The following LGALS14 variants were observed in gnomAD, a reference collection of about 807,000 sequenced individuals.
LGALS14 encodes galectin 14.
In LGALS14, 14 loss-of-function variants were observed where a neutral mutation model predicts 14.6. The observed-to-expected ratio is 0.96, with a 90% CI of 0.64 to 1.50. The LOEUF is 1.50. Ranked by LOEUF, LGALS14 falls within the 40% of genes most tolerant of loss-of-function variation. The pLI, the probability that LGALS14 is intolerant of heterozygous loss-of-function variation, is 0.00. For missense variants in LGALS14, 180 were observed against 172.0 expected, an observed-to-expected ratio of 1.05 and a Z score of -0.26; for synonymous variants, 57 against 63.9, an observed-to-expected ratio of 0.89 and a Z score of 0.51.
rs1280864982 is a variant in LGALS14, at chr19:39,708,272, C to A, written c.303+884C>A. ...TGAAGACATTATCAATCCACGGTGCCGCTTCAGTTTTTAAAGATTACATAA... is the reference window on the plus strand; with the variant it reads ...TGAAGACATTATCAATCCACGGTGCAGCTTCAGTTTTTAAAGATTACATAA... On this transcript the variant is annotated intron_variant, in intron 3 of 3. Transcript: ENST00000392052. 5.3e-5 allele frequency among the ~76,000 whole-genome samples: 8 copies of A among 152,168 alleles called. No homozygotes were observed. In the South Asian group the frequency reaches 1.7e-3, roughly 32 times the overall value.
In LGALS14 at chr19:39,709,442, A is replaced by C; in HGVS notation, c.*129A>C. The C allele has an allele frequency of 1.6e-6, 1 of 629,810 alleles. No homozygotes were observed. Among genetic ancestry groups the C allele is most frequent in the Non-Finnish European group, 2.8e-6 (1 of 352,448 alleles). The allele number at this position is 629,810 out of a possible 1,614,324, so 39.0% of individuals were successfully genotyped here. Reference sequence around the variant, plus strand: ...ACACTTGATCATTAAAACAGCACCAAACTTCACATGATTGGTTCTTGCTTT... The same window carrying C: ...ACACTTGATCATTAAAACAGCACCACACTTCACATGATTGGTTCTTGCTTT... On this transcript the variant is annotated 3_prime_UTR_variant, in exon 4 of 4. Transcript: ENST00000392052.
chr19:39,705,266 A>G (rs989233382), intron 1 of LGALS14, among the ~76,000 whole-genome samples: 1 of 152,144 alleles, frequency 6.6e-6, no homozygotes, highest in Admixed American at 6.5e-5. Context: ...AACGCAGATT[A>G]TGGGAGAGAT....
chr19:39,705,706 G>C, intron 1 of LGALS14: 1 of 523,018 alleles, frequency 1.9e-6, no homozygotes. Flanking sequence ...GACTGGCAGA[G>C]TGGCAGACAC....
At position 39,709,263 on chromosome 19, in the gene LGALS14, C is replaced by A; in HGVS notation, c.370C>A (p.Leu124Met). 1 of 1,613,160 alleles carries A rather than the reference C, an allele frequency of 6.2e-7. No individual in the cohort carries two copies. The highest frequency in any genetic ancestry group is 1.1e-5 in the South Asian group (1 of 91,054). Residue 124 changes from leucine (L) to methionine (M), a missense_variant, in exon 4 of 4, where the codon CTG becomes ATG. Coordinates refer to ENST00000392052, the MANE Select transcript of LGALS14 (RefSeq NM_020129.3). ...HRFPPASVKM[L>M]QVFRDISLTR... ...ATTCCCGCCAGCATCTGTGAAGATG[C>A]TGCAAGTCTTCAGAGATATCTCCCT...
At chr19:39,708,873 G>A (rs1367911097) in intron 3 of LGALS14, among the ~76,000 whole-genome samples, 2 of 152,208 alleles carry the variant, frequency 1.3e-5, no homozygotes, top group African/African-American at 4.8e-5. Flanking sequence ...GGTCCTGTGC[G>A]AGATGCAGGG....
At position 39,707,224 on chromosome 19, in the gene LGALS14, G is replaced by T; in HGVS notation, c.139G>T (p.Asp47Tyr). Residue 47 changes from aspartate to tyrosine, a missense_variant, in exon 3 of 4, where the codon GAC becomes TAC. By Grantham distance (160) the Asp-to-Tyr change is radical (BLOSUM62 -3). Transcript: ENST00000392052. ...EVNFYTGMDE[D>Y]SDIAFQFRLH... ...GAATTTCTACACTGGGATGGATGAG[G>T]ACTCAGATATTGCTTTCCAATTCCG... The T allele has an allele frequency of 1.9e-6, 3 of 1,614,104 alleles. No individual in the cohort carries two copies. The highest frequency in any genetic ancestry group is 2.5e-6 in the Non-Finnish European group (3 of 1,179,970).
Position 39,709,335 on chromosome 19 carries a change from T to A in LGALS14, c.*22T>A. On this transcript the variant is annotated 3_prime_UTR_variant, in exon 4 of 4. Coordinates refer to ENST00000392052, the MANE Select transcript of LGALS14 (RefSeq NM_020129.3). ...TTGAGGGAGATGATCAGACTCCTCA[T>A]TGTTGAGGAATCCCTCTTTCTACCT... 1 of 1,307,938 alleles carries A rather than the reference T, an allele frequency of 7.6e-7. No homozygotes were observed. Among genetic ancestry groups the A allele is most frequent in the Non-Finnish European group, 1.1e-6 (1 of 901,160 alleles). 81.0% of individuals were successfully genotyped at this position (1,307,938 alleles called of 1,614,324 possible). A position where few individuals can be genotyped will look rare whatever the true frequency, so the allele number is the denominator to read the frequency against.
At chr19:39,706,576 T>C (rs765334629) in intron 1 of LGALS14, 21 bp from the exon 2 acceptor site, 7 of 1,598,976 alleles carry the variant, frequency 4.4e-6, no homozygotes, top group Admixed American at 3.3e-5. Context: ...TAGCTCTCAC[T>C]CACTCTCCAT....
chr19:39,707,113 G>A, intron 2 of LGALS14, 65 bp from the exon 3 acceptor site: 1 of 1,220,726 alleles, frequency 8.2e-7, no homozygotes. Flanking sequence ...GGATTTGTGT[G>A]TGTGGCGAGT....
intron 1 of LGALS14, chr19:39,706,123 C>A: frequency 7.0e-7 from 1 of 1,431,360 alleles, no homozygotes; most frequent in South Asian, 1.3e-5. Flanking sequence ...ACCCTCAAGT[C>A]TTGTTTTCAT....
rs369274352 is a variant in LGALS14 at position 39,706,659 on chromosome 19, G to A, written c.78G>A (p.Pro26=). ...VGSCVIITGT[P]ILTFVKDPQL... ...CGTGCGTGATAATCACAGGGACACC[G>A]ATCCTCACTTTTGTGTGAGTACTCC... is the stretch of plus-strand genomic sequence containing the variant. The change falls in exon 2 of 4, where the codon CCG becomes CCA. Residue 26 remains proline (P), a synonymous_variant. Coordinates refer to ENST00000392052, the MANE Select transcript of LGALS14 (RefSeq NM_020129.3). 43 of 1,613,310 alleles carry A rather than the reference G, an allele frequency of 2.7e-5. No individual in the cohort carries two copies. The East Asian group carries it at 2.7e-4, about 10-fold the overall frequency.
Position 39,706,639 on chromosome 19 carries a change from G to T in LGALS14, c.58G>T (p.Val20Leu). 1.2e-6 allele frequency: 2 copies of T among 1,613,926 alleles called. No homozygotes were observed. The highest frequency in any genetic ancestry group is 2.2e-5 in the South Asian group (2 of 91,084). Reference protein sequence around the residue: ...LPVSLPVGSCVIITGTPILTF... With the variant: ...LPVSLPVGSCLIITGTPILTF... ...TGTTTCCTTGCCTGTTGGTTCGTGCGTGATAATCACAGGGACACCGATCCT... is the reference window on the plus strand; with the variant it reads ...TGTTTCCTTGCCTGTTGGTTCGTGCTTGATAATCACAGGGACACCGATCCT... Residue 20 changes from valine (V) to leucine (L), a missense_variant, in exon 2 of 4, where the codon GTG becomes TTG. Physicochemically the swap from Val to Leu is conservative, Grantham distance 32. Coordinates refer to ENST00000392052, the MANE Select transcript of LGALS14 (RefSeq NM_020129.3).
intron 1 of LGALS14, chr19:39,706,076 T>C: frequency 1.9e-6 from 3 of 1,595,766 alleles, no homozygotes; most frequent in Non-Finnish European, 2.6e-6. Flanking sequence ...TTTCAACAAG[T>C]GTTGTTTCTC....
At chr19:39,709,171 T>C in intron 3 of LGALS14, 26 bp from the exon 4 acceptor site, 1 of 1,419,494 alleles carries the variant, frequency 7.0e-7, no homozygotes, top group Non-Finnish European at 1.0e-6. Context: ...GCATGCTGTC[T>C]TTCTGATGCA....
chr19:39,709,083 T>A (rs1973759189), intron 3 of LGALS14, 114 bp from the exon 4 acceptor site: 6 of 756,856 alleles, frequency 7.9e-6, no homozygotes, highest in Non-Finnish European at 1.5e-5. Flanking sequence ...TAGGTTCACT[T>A]GTGTAACTAG....
At chr19:39,707,424 G>A in intron 3 of LGALS14, 36 bp downstream of exon 3, 2 of 1,564,502 alleles carry the variant, frequency 1.3e-6, no homozygotes, top group Non-Finnish European at 1.8e-6. Flanking sequence ...CTGGAGCTCT[G>A]TGGGCTCTTA....
At chr19:39,705,607 C>T (rs1973702057) in intron 1 of LGALS14, 1 of 257,512 alleles carries the variant, frequency 3.9e-6, no homozygotes, top group Non-Finnish European at 7.6e-6. Flanking sequence ...ATTTGGGAGG[C>T]AAAGATGGGA....
At chr19:39,705,768 C>A in intron 1 of LGALS14, 1 of 973,766 alleles carries the variant, frequency 1.0e-6, no homozygotes, top group Non-Finnish European at 1.5e-6. Context: ...TCACTGCAGT[C>A]CAGGAGTTCG....
intron 3 of LGALS14, 83 bp downstream of exon 3, chr19:39,707,471 G>A (rs1344701480): frequency 1.9e-6 from 2 of 1,069,338 alleles, no homozygotes; most frequent in African/African-American, 3.1e-5. Flanking sequence ...GGTGCCACCA[G>A]TCCCTTGGGG....
Sources: gnomAD v4.1 joint callset for allele counts (sites outside exome capture counted in the v4.1 genomes callset) on GRCh38, gnomAD v4.1.1 for gene constraint, MANE v1.5 for transcripts, NCBI Gene and HGNC (gene_info 2026-07-23, HGNC 2026-07-21) for gene names.